Variants in ARHGAP29 observed in about 807,000 individuals in gnomAD.
ARHGAP29 encodes Rho GTPase activating protein 29.
A neutral mutation model predicts 122.6 loss-of-function variants in ARHGAP29; 43 were observed. That is an observed-to-expected ratio of 0.35 (90% confidence interval 0.27 to 0.45). ARHGAP29 has a LOEUF of 0.45. Among genes scored for constraint, ARHGAP29 ranks in the 20% least tolerant of loss-of-function variants. The pLI, the probability that ARHGAP29 is intolerant of heterozygous loss-of-function variation, is 1.00. For missense variants in ARHGAP29, 1,303 were observed against 1,477.2 expected, an observed-to-expected ratio of 0.88 and a Z score of 1.93; for synonymous variants, 506 against 497.1, an observed-to-expected ratio of 1.02 and a Z score of -0.24.
intron 2 of ARHGAP29, among the ~76,000 whole-genome samples, chr1:94,227,219 G>A (rs1652663167): frequency 6.6e-6 from 1 of 151,638 alleles, no homozygotes; most frequent in Non-Finnish European, 1.5e-5. Context: ...TCCGACTATA[G>A]TCCTGTAAAA....
At chr1:94,257,137 C>G (rs1039409353) in intron 1 of ARHGAP29, among the ~76,000 whole-genome samples, 5 of 151,594 alleles carry the variant, frequency 3.3e-5, no homozygotes, top group African/African-American at 1.2e-4. Flanking sequence ...GGCATGGTGG[C>G]TGACACCTGT....
rs760561097 is a variant in ARHGAP29 at position 94,184,911 on chromosome 1, T to A, written c.2070A>T (p.Ile690=). The A allele has an allele frequency of 1.3e-5, 21 of 1,609,554 alleles. No individual in the cohort carries two copies. The highest frequency in any genetic ancestry group is 1.7e-5 in the Non-Finnish European group (20 of 1,178,610). Residue 690 remains isoleucine (I), a synonymous_variant, in exon 18 of 23, where the codon ATA becomes ATT. Transcript: ENST00000260526. ...EPDGIPFILK[I]CASEIENRAL... ...CTCTATTTTCAATCTCTGAGGCACA[T>A]ATTTTGAGTATAAAAGGGATACCAT...
At chr1:94,302,513 T>A in the ARHGAP29 span, 1 of 340,426 alleles carries the variant, frequency 2.9e-6, no homozygotes, top group Non-Finnish European at 5.8e-6. Flanking sequence ...TCATCCATAA[T>A]AACTCTGGCA....
chr1:94,203,670 G>A (rs1392500821), intron 8 of ARHGAP29, among the ~76,000 whole-genome samples: 1 of 152,112 alleles, frequency 6.6e-6, no homozygotes, highest in African/African-American at 2.4e-5. Context: ...GGGGGACAGA[G>A]GTTGCAGTGA....
the ARHGAP29 span, among the ~76,000 whole-genome samples, chr1:94,300,548 C>T: frequency 2.2e-3 from 330 of 152,280 alleles, 1 homozygote; most frequent in South Asian, 5.4e-3. Flanking sequence ...TACTCTCCTC[C>T]GCCTGAATTA....
At chr1:94,240,685 C>A (rs1401668072), upstream of ARHGAP29, among the ~76,000 whole-genome samples, 2 of 152,112 alleles carry the variant, frequency 1.3e-5, no homozygotes, top group Non-Finnish European at 2.9e-5. Flanking sequence ...ATTTATATTA[C>A]TATTGCCTCT....
In ARHGAP29 at chr1:94,169,446, A is replaced by C. The variant is rs1320382015; in HGVS notation, c.*4423T>G. Among the ~76,000 whole-genome samples the C allele has an allele frequency of 6.6e-6, 1 of 152,168 alleles. No homozygotes were observed. Among genetic ancestry groups the C allele is most frequent in the Non-Finnish European group, 1.5e-5 (1 of 68,012 alleles). ...TCAAGAGGTTGAGGGAGGGAGGAAG[A>C]ATGAACAAATTATTTAGGATTATGG... On this transcript the variant is annotated 3_prime_UTR_variant, in exon 23 of 23. Coordinates refer to ENST00000260526, the MANE Select transcript of ARHGAP29 (RefSeq NM_004815.4).
chr1:94,202,497 G>T (rs761120413), intron 11 of ARHGAP29, 47 bp downstream of exon 11: 5 of 1,603,490 alleles, frequency 3.1e-6, no homozygotes, highest in African/African-American at 2.7e-5. Flanking sequence ...ACTCCTGGCA[G>T]ATTACCGCTA....
At chr1:94,226,083 T>A (rs1652594551) in intron 2 of ARHGAP29, among the ~76,000 whole-genome samples, 1 of 151,954 alleles carries the variant, frequency 6.6e-6, no homozygotes, top group South Asian at 2.1e-4. Flanking sequence ...AAAAACATGA[T>A]GTTTTCTTTC....
chr1:94,205,826 T>G, intron 5 of ARHGAP29, 143 bp from the exon 6 acceptor site: 1 of 667,470 alleles, frequency 1.5e-6, no homozygotes. Flanking sequence ...CTTAGAAGTC[T>G]GTTTAAGTGC....
At chr1:94,246,481 A>G (rs1460431523) in intron 1 of ARHGAP29, among the ~76,000 whole-genome samples, 1 of 152,222 alleles carries the variant, frequency 6.6e-6, no homozygotes, top group Non-Finnish European at 1.5e-5. Context: ...AACTTTCATA[A>G]AACATCTCCT....
chr1:94,302,065 G>A, the ARHGAP29 span: 3 of 268,116 alleles, frequency 1.1e-5, no homozygotes, highest in Non-Finnish European at 2.2e-5. Flanking sequence ...CAGAGTAAAT[G>A]GATTTGGCCA....
the ARHGAP29 span, among the ~76,000 whole-genome samples, chr1:94,286,357 A>T: frequency 3.9e-3 from 600 of 152,310 alleles, 7 homozygotes; most frequent in African/African-American, 0.013. Context: ...CATAACATAT[A>T]CTATGGATTG....
chr1:94,205,316 AC>A (rs1651123031), intron 6 of ARHGAP29, 118 bp from the exon 7 acceptor site: 1 of 823,236 alleles, frequency 1.2e-6, no homozygotes. Flanking sequence ...TAAAAAAAAT[AC>A]AAGTGACAAA....
At chr1:94,200,437 C>T (rs1650766913) in intron 12 of ARHGAP29, among the ~76,000 whole-genome samples, 1 of 152,198 alleles carries the variant, frequency 6.6e-6, no homozygotes, top group Admixed American at 6.5e-5. Context: ...CTCTCATACA[C>T]TGCTGGTTAG....
chr1:94,293,575 G>T, the ARHGAP29 span, among the ~76,000 whole-genome samples: 4 of 152,254 alleles, frequency 2.6e-5, no homozygotes, highest in Admixed American at 2.6e-4. Flanking sequence ...ATCTCACTGG[G>T]AGCTGTAGAC....
upstream of ARHGAP29, chr1:94,237,596 CGCCCCTGCAGCTACCGCCACG>C: frequency 1.6e-5 from 16 of 989,180 alleles, no homozygotes; most frequent in Non-Finnish European, 1.9e-5. Context: ...CAGCCGCCAC[CGCCCCTGCAGCTACCGCCACG>C]GCCGCACCGC....
intron 1 of ARHGAP29, among the ~76,000 whole-genome samples, chr1:94,264,837 G>A (rs1049655635): frequency 6.6e-6 from 1 of 152,064 alleles, no homozygotes; most frequent in Non-Finnish European, 1.5e-5. Flanking sequence ...TGTGAAATGG[G>A]GCTATATTTT....
At chr1:94,279,549 A>G (rs1228020807), upstream of ARHGAP29, among the ~76,000 whole-genome samples, 1 of 152,358 alleles carries the variant, frequency 6.6e-6, no homozygotes, top group East Asian at 1.9e-4. Flanking sequence ...TTCCAAGTAG[A>G]ATGGAGCTCC....
Sources: allele counts gnomAD v4.1 joint callset (sites outside exome capture counted in the v4.1 genomes callset), GRCh38; gene constraint gnomAD v4.1.1; transcripts MANE v1.5; gene names NCBI Gene and HGNC (gene_info 2026-07-23, HGNC 2026-07-21).